Variants in PCDHGA5 observed in about 807,000 individuals in gnomAD.
The protein encoded by PCDHGA5 is protocadherin gamma subfamily A, 5.
Under a neutral mutation model 56.7 loss-of-function variants are expected in PCDHGA5, and 36 were observed. The ratio of observed to expected loss-of-function variants is 0.64; its 90% CI spans 0.49 to 0.84. PCDHGA5 has a LOEUF of 0.84. PCDHGA5 is among the 40% of genes least tolerant of loss of function. The pLI, the probability that PCDHGA5 is intolerant of heterozygous loss-of-function variation, is 0.00. For synonymous variants in PCDHGA5, 563 were observed against 520.2 expected, an observed-to-expected ratio of 1.08 and a Z score of -1.12; for missense variants, 1,305 against 1,201.5, an observed-to-expected ratio of 1.09 and a Z score of -1.27.
intron 1 of PCDHGA5, chr5:141,427,834 C>A: frequency 6.5e-7 from 1 of 1,542,566 alleles, no homozygotes; most frequent in Non-Finnish European, 8.9e-7. Flanking sequence ...GCGCAGCGTG[C>A]CTTCGACCAC....
intron 1 of PCDHGA5, chr5:141,398,058 T>C (rs921277104): frequency 2.0e-6 from 3 of 1,525,504 alleles, no homozygotes; most frequent in African/African-American, 1.4e-5. Flanking sequence ...GATCCAAAAA[T>C]CTACAATACA....
Position 141,489,791 on chromosome 5 carries a change from C to G in PCDHGA5, c.2422-5016C>G. ...AGCCACTTCTCTCTGAATGTGAAGA[C>G]CCTAAAAGATGGGAAGCCATTCCCA... On this transcript the variant is annotated intron_variant, in intron 1 of 3. Transcript: ENST00000518069. The surrounding 1 kb of genome is among the most constrained non-coding windows in gnomAD (Gnocchi z 4.5). 2 of 1,614,174 alleles carry G rather than the reference C, an allele frequency of 1.2e-6. No individual in the cohort carries two copies. The highest frequency in any genetic ancestry group is 1.7e-6 in the Non-Finnish European group (2 of 1,180,002).
intron 1 of PCDHGA5, among the ~76,000 whole-genome samples, chr5:141,472,869 C>T (rs919331906): frequency 6.6e-6 from 1 of 151,388 alleles, no homozygotes; most frequent in Non-Finnish European, 1.5e-5. Context: ...GCCTGTATTC[C>T]CAGCTACTCG....
rs529934949 is a variant in PCDHGA5 at position 141,383,902 on chromosome 5, A to C, written c.2421+17151A>C. ...TAGTCTGACAAAGGCAAAAGTACTG[A>C]TCACAGTTTTAGATGTAAATGATAA... On this transcript the variant is annotated intron_variant, in intron 1 of 3. Coordinates refer to ENST00000518069, the MANE Select transcript of PCDHGA5 (RefSeq NM_018918.3). The C allele has an allele frequency of 4.8e-5, 77 of 1,613,976 alleles. 1 individual carries two copies. The South Asian group carries it at 7.9e-4, about 17-fold the overall frequency.
Position 141,494,770 on chromosome 5 carries a change from C to T in PCDHGA5, c.2422-37C>T, listed in dbSNP as rs767006872. 43 of 1,614,022 alleles carry T rather than the reference C, an allele frequency of 2.7e-5. No homozygotes were observed. In the East Asian group the frequency reaches 7.6e-4, roughly 28 times the overall value. On this transcript the variant is annotated intron_variant, in intron 1 of 3. Coordinates refer to ENST00000518069, the MANE Select transcript of PCDHGA5 (RefSeq NM_018918.3). ...GCTCGGGTGACATTCTAACTTCTCA[C>T]GGGTACTCAGCCCCTTTCCCTCTGT...
chr5:141,491,072 C>T lies in PCDHGA5; in HGVS notation c.2422-3735C>T, dbSNP rs778221466. The T allele has an allele frequency of 6.2e-7, 1 of 1,614,204 alleles. No individual in the cohort carries two copies. Among genetic ancestry groups the T allele is most frequent in the South Asian group, 1.1e-5 (1 of 91,086 alleles). On this transcript the variant is annotated intron_variant, in intron 1 of 3. Coordinates refer to ENST00000518069, the MANE Select transcript of PCDHGA5 (RefSeq NM_018918.3). The surrounding 1 kb of genome is among the most constrained non-coding windows in gnomAD (Gnocchi z 6.9). ...GCGTGGCTCTCCTACTCACTGTTGCCACAGTCCACAGCCCCAGGACTGTTC... is the reference window on the plus strand; with the variant it reads ...GCGTGGCTCTCCTACTCACTGTTGCTACAGTCCACAGCCCCAGGACTGTTC...
intron 1 of PCDHGA5, among the ~76,000 whole-genome samples, chr5:141,401,748 C>G (rs2094189969): frequency 6.6e-6 from 1 of 152,134 alleles, no homozygotes; most frequent in Non-Finnish European, 1.5e-5. Context: ...ATACAAAGCT[C>G]CCATTACATG....
In PCDHGA5 at chr5:141,394,564, G is replaced by C. The variant is rs200338108; in HGVS notation, c.2421+27813G>C. 4.7e-3 allele frequency: 7,544 copies of C among 1,612,816 alleles called. 48 individuals carry two copies. The highest frequency in any genetic ancestry group is 9.5e-3 in the Admixed American group (568 of 59,990). On this transcript the variant is annotated intron_variant, in intron 1 of 3. Transcript: ENST00000518069. Reference sequence around the variant, plus strand: ...GAGCTGGCGCCCCGCTCCGCAGAGCGTGGCTACCTGGTGACCAAGGTGGTG... The same window carrying C: ...GAGCTGGCGCCCCGCTCCGCAGAGCCTGGCTACCTGGTGACCAAGGTGGTG...
intron 1 of PCDHGA5, among the ~76,000 whole-genome samples, chr5:141,482,238 A>G (rs560354311): frequency 8.5e-5 from 13 of 152,304 alleles, no homozygotes; most frequent in African/African-American, 2.9e-4. Context: ...TTGCCAATAT[A>G]AGTATAGTAC....
At chr5:141,496,808 G>A (rs1387209844) in intron 2 of PCDHGA5, among the ~76,000 whole-genome samples, 3 of 151,736 alleles carry the variant, frequency 2.0e-5, no homozygotes, top group South Asian at 4.2e-4. Flanking sequence ...GGCTATAGGA[G>A]TGAACAAGTA....
intron 1 of PCDHGA5, among the ~76,000 whole-genome samples, chr5:141,444,466 C>T (rs539222916): frequency 7.9e-5 from 12 of 152,100 alleles, no homozygotes; most frequent in East Asian, 1.9e-4. Context: ...TCACTGCGCC[C>T]GGTCGCGTAC....
intron 1 of PCDHGA5, chr5:141,378,196 A>C (rs1197830416): frequency 6.6e-6 from 1 of 152,188 alleles, no homozygotes; most frequent in Non-Finnish European, 1.5e-5. Flanking sequence ...TGCCTACTAC[A>C]GTGTCTTTTG....
intron 1 of PCDHGA5, among the ~76,000 whole-genome samples, chr5:141,451,410 G>T (rs1201545799): frequency 6.6e-6 from 1 of 152,190 alleles, no homozygotes; most frequent in East Asian, 1.9e-4. Context: ...TAAGTTCCTT[G>T]TGGATTGTTA....
At chr5:141,439,531 G>A (rs1474855779) in intron 1 of PCDHGA5, among the ~76,000 whole-genome samples, 5 of 152,126 alleles carry the variant, frequency 3.3e-5, no homozygotes, top group Admixed American at 3.3e-4. Flanking sequence ...TCTACAGAAC[G>A]CTGTCCTCTC....
chr5:141,487,643 C>T lies in PCDHGA5; in HGVS notation c.2422-7164C>T. 1.2e-6 allele frequency: 2 copies of T among 1,614,104 alleles called. No homozygotes were observed. The highest frequency in any genetic ancestry group is 1.7e-6 in the Non-Finnish European group (2 of 1,179,986). Reference sequence around the variant, plus strand: ...GAGACCTTTGCAGGCTCAACAAATGCTTGAGGGTTATTCTGATCCAGGCAT... The same window carrying T: ...GAGACCTTTGCAGGCTCAACAAATGTTTGAGGGTTATTCTGATCCAGGCAT... On this transcript the variant is annotated intron_variant, in intron 1 of 3. Transcript: ENST00000518069. The surrounding 1 kb of genome is among the most constrained non-coding windows in gnomAD (Gnocchi z 5.0).
intron 1 of PCDHGA5, among the ~76,000 whole-genome samples, chr5:141,475,215 T>C (rs768665396): frequency 2.6e-5 from 4 of 152,176 alleles, no homozygotes; most frequent in Non-Finnish European, 5.9e-5. Flanking sequence ...AAAGGATTGA[T>C]CAAGTAAAGG....
At position 141,477,067 on chromosome 5, in the gene PCDHGA5, C is replaced by G. The variant is rs370882752; in HGVS notation, c.2422-17740C>G. 5.6e-5 allele frequency: 91 copies of G among 1,614,116 alleles called. No individual in the cohort carries two copies. Among genetic ancestry groups the G allele is most frequent in the Non-Finnish European group, 7.7e-5 (91 of 1,180,042 alleles). ...GGCTGGACTTCGAGGACACCAAACT[C>G]CATGAGATTTACATCCAGGCCAAAG... On this transcript the variant is annotated intron_variant, in intron 1 of 3. Transcript: ENST00000518069. This position sits in a 1 kb window ranked among gnomAD's most constrained non-coding sequence, Gnocchi z 4.9.
At chr5:141,496,479 CAACCAACCA>C (rs1199646129) in intron 2 of PCDHGA5, among the ~76,000 whole-genome samples, 1 of 152,180 alleles carries the variant, frequency 6.6e-6, no homozygotes, top group Non-Finnish European at 1.5e-5. Context: ...CCCCATCCTG[CAACCAACCA>C]AACCCTTGTT....
intron 3 of PCDHGA5, 78 bp from the exon 4 acceptor site, chr5:141,510,869 T>C: frequency 9.3e-6 from 15 of 1,608,708 alleles, no homozygotes; most frequent in Non-Finnish European, 1.3e-5. Flanking sequence ...AGGCATTCAT[T>C]AACTGCTGGG....
Sources: allele counts gnomAD v4.1 joint callset (sites outside exome capture counted in the v4.1 genomes callset), GRCh38; gene constraint gnomAD v4.1.1; non-coding constraint Gnocchi (gnomAD v3.1); transcripts MANE v1.5; gene names NCBI Gene and HGNC (gene_info 2026-07-23, HGNC 2026-07-21).